Variants in CACNA2D3 observed in about 807,000 individuals in gnomAD.
The protein encoded by CACNA2D3 is calcium voltage-gated channel auxiliary subunit alpha2delta 3.
A neutral mutation model predicts 160.6 loss-of-function variants in CACNA2D3; 60 were observed. The observed-to-expected ratio is 0.37, with a 90% CI of 0.30 to 0.46. CACNA2D3 has a LOEUF of 0.46. Among genes scored for constraint, CACNA2D3 ranks in the 20% least tolerant of loss-of-function variants. The pLI is 1.00. For missense variants in CACNA2D3, 1,205 were observed against 1,365.0 expected (o/e 0.88, Z 1.85); for synonymous variants, 558 against 492.9 (o/e 1.13, Z -1.75).
At chr3:54,932,547 A>G (rs1186278029) in intron 27 of CACNA2D3, among the ~76,000 whole-genome samples, 4 of 152,190 alleles carry the variant, frequency 2.6e-5, no homozygotes, top group Non-Finnish European at 2.9e-5. Flanking sequence ...AATATTTGAG[A>G]TGTCTTATCT....
At chr3:54,605,892 T>C (rs542960269) in intron 9 of CACNA2D3, among the ~76,000 whole-genome samples, 1 of 152,330 alleles carries the variant, frequency 6.6e-6, no homozygotes, top group East Asian at 1.9e-4. Context: ...TTGATGATAT[T>C]TGCTCCAGCT....
chr3:54,838,501 C>G, intron 15 of CACNA2D3, 67 bp from the exon 16 acceptor site: 1 of 1,273,052 alleles, frequency 7.9e-7, no homozygotes, highest in South Asian at 1.2e-5. Flanking sequence ...TGTGACTTCT[C>G]GTGAGATTCT....
At chr3:54,837,265 A>C in intron 15 of CACNA2D3, 35 bp downstream of exon 15, 1 of 1,592,570 alleles carries the variant, frequency 6.3e-7, no homozygotes, top group Non-Finnish European at 8.6e-7. Context: ...GCTTGATGCT[A>C]GGAGGGTGGT....
intron 5 of CACNA2D3, among the ~76,000 whole-genome samples, chr3:54,514,762 C>T (rs1701516850): frequency 6.6e-6 from 1 of 152,068 alleles, no homozygotes; most frequent in South Asian, 2.1e-4. Context: ...AATAATTTAG[C>T]CAGGGGCTGG....
At chr3:54,798,915 T>G (rs767848604) in intron 13 of CACNA2D3, among the ~76,000 whole-genome samples, 14 of 152,262 alleles carry the variant, frequency 9.2e-5, no homozygotes, top group Non-Finnish European at 1.9e-4. Flanking sequence ...ATTACTCAGC[T>G]GCCTGAACTC....
chr3:54,249,662 TACACAC>T (rs10656572), intron 2 of CACNA2D3, among the ~76,000 whole-genome samples: 1,446 of 132,888 alleles, frequency 0.011, 14 homozygotes, highest in East Asian at 0.042. Flanking sequence ...TCTGTTTACG[TACACAC>T]ACACACACAC....
At chr3:54,958,468 G>A (rs1329043374) in intron 27 of CACNA2D3, among the ~76,000 whole-genome samples, 1 of 152,214 alleles carries the variant, frequency 6.6e-6, no homozygotes, top group African/African-American at 2.4e-5. Context: ...AACCTTGATA[G>A]TCTTAGAAGT....
chr3:55,051,388 TGG>T (rs372280663), intron 35 of CACNA2D3, among the ~76,000 whole-genome samples: 6 of 151,460 alleles, frequency 4.0e-5, no homozygotes, highest in African/African-American at 1.5e-4. Context: ...GTGCCCCTGC[TGG>T]GGGGGTGCCT....
At chr3:54,590,240 A>G (rs936025054) in intron 9 of CACNA2D3, among the ~76,000 whole-genome samples, 4 of 152,186 alleles carry the variant, frequency 2.6e-5, no homozygotes, top group Non-Finnish European at 5.9e-5. Flanking sequence ...AACAACAGCA[A>G]TCTATTGATA....
At chr3:54,694,719 C>G (rs1289824564) in intron 11 of CACNA2D3, among the ~76,000 whole-genome samples, 6 of 152,174 alleles carry the variant, frequency 3.9e-5, no homozygotes, top group Non-Finnish European at 8.8e-5. Flanking sequence ...ATTTGGGTTC[C>G]TTCCCTGTAA....
intron 2 of CACNA2D3, among the ~76,000 whole-genome samples, chr3:54,244,920 C>G: frequency 6.6e-6 from 1 of 152,194 alleles, no homozygotes; most frequent in Non-Finnish European, 1.5e-5. Context: ...CATTGAAGTT[C>G]TAGTAATTAT....
chr3:55,004,300 C>T (rs1030904607), intron 31 of CACNA2D3, among the ~76,000 whole-genome samples: 2 of 152,194 alleles, frequency 1.3e-5, no homozygotes, highest in African/African-American at 4.8e-5. Context: ...TATCCTGGTC[C>T]AAACCTGTTT....
chr3:54,643,129 G>GTC (rs35993966), intron 11 of CACNA2D3, among the ~76,000 whole-genome samples: 140,922 of 152,092 alleles, frequency 0.93, 65,588 homozygotes, highest in Non-Finnish European at 0.95. Flanking sequence ...TATCCTGACT[G>GTC]TCTATAGGTA....
At chr3:54,379,704 G>A (rs1036140177) in intron 3 of CACNA2D3, among the ~76,000 whole-genome samples, 3 of 152,174 alleles carry the variant, frequency 2.0e-5, no homozygotes, top group Non-Finnish European at 4.4e-5. Context: ...AACTTTGTGT[G>A]AAATGTTCCT....
intron 14 of CACNA2D3, among the ~76,000 whole-genome samples, chr3:54,821,634 G>GTCTCTCGT (rs1703593774): frequency 1.4e-5 from 2 of 140,396 alleles, no homozygotes; most frequent in African/African-American, 5.1e-5. Flanking sequence ...TTTTTCTAGA[G>GTCTCTCGT]TCTTTCGTTC....
At chr3:55,070,335 G>A (rs1310943904) in intron 35 of CACNA2D3, among the ~76,000 whole-genome samples, 1 of 152,166 alleles carries the variant, frequency 6.6e-6, no homozygotes, top group African/African-American at 2.4e-5. Flanking sequence ...GTTGGAGGGA[G>A]AGAGAGAAGG....
chr3:54,788,912 G>A (rs1702691427), intron 13 of CACNA2D3, among the ~76,000 whole-genome samples: 1 of 152,110 alleles, frequency 6.6e-6, no homozygotes, highest in Non-Finnish European at 1.5e-5. Context: ...GAAATTCTTA[G>A]TACCTGGTAT....
intron 4 of CACNA2D3, among the ~76,000 whole-genome samples, chr3:54,458,536 G>A (rs1700440131): frequency 6.6e-6 from 1 of 151,236 alleles, no homozygotes; most frequent in African/African-American, 2.4e-5. Flanking sequence ...GAAATCTACT[G>A]ATAGTCTAGT....
chr3:54,909,152 A>G (rs756215747), intron 27 of CACNA2D3, among the ~76,000 whole-genome samples: 7 of 152,208 alleles, frequency 4.6e-5, no homozygotes, highest in Admixed American at 1.3e-4. Context: ...TTCCAATCAA[A>G]GATCCTAAGC....
Sources: gnomAD v4.1 joint callset for allele counts (sites outside exome capture counted in the v4.1 genomes callset) on GRCh38, gnomAD v4.1.1 for gene constraint, MANE v1.5 for transcripts, NCBI Gene and HGNC (gene_info 2026-07-23, HGNC 2026-07-21) for gene names.